The following MREG variants were observed in gnomAD, a reference collection of about 807,000 sequenced individuals.
The protein encoded by MREG is dilute suppressor protein homolog.
MREG carries 31 observed loss-of-function variants against 28.5 expected under a neutral mutation model. The observed-to-expected ratio is 1.09, with a 90% CI of 0.82 to 1.47. The LOEUF is 1.47. MREG is among the 40% of genes most tolerant of loss of function. The pLI, the probability that MREG is intolerant of heterozygous loss-of-function variation, is 0.00. For synonymous variants in MREG, 106 were observed against 95.2 expected (o/e 1.11, Z -0.66); for missense variants, 256 against 257.4 (o/e 0.99, Z 0.04).
At chr2:216,010,356 T>A (rs866708633) in intron 1 of MREG, among the ~76,000 whole-genome samples, 1 of 122,706 alleles carries the variant, frequency 8.1e-6, no homozygotes, top group African/African-American at 3.4e-5. Flanking sequence ...AGATTTCTCT[T>A]TTTTTTTTTT....
intron 1 of MREG, among the ~76,000 whole-genome samples, chr2:216,028,150 G>T (rs942497180): frequency 6.6e-6 from 1 of 152,138 alleles, no homozygotes; most frequent in African/African-American, 2.4e-5. Context: ...GCTTTAAGTG[G>T]AAATAAATGA....
intron 1 of MREG, among the ~76,000 whole-genome samples, chr2:216,018,988 T>C (rs1054584881): frequency 6.6e-6 from 1 of 152,202 alleles, no homozygotes; most frequent in African/African-American, 2.4e-5. Context: ...AGACTCAAAG[T>C]TGGAAAACAG....
intron 2 of MREG, among the ~76,000 whole-genome samples, chr2:215,966,606 T>TC (rs1270481295): frequency 6.7e-6 from 1 of 150,368 alleles, no homozygotes; most frequent in Admixed American, 6.6e-5. Context: ...TTTCCCTTTT[T>TC]TTTTTTTTTT....
At chr2:216,013,641 T>A (rs1694378521), upstream of MREG, 1 of 150,606 alleles carries the variant, frequency 6.6e-6, no homozygotes, top group Non-Finnish European at 1.5e-5. Context: ...CCTCTAAGGG[T>A]GAAGCAGGGA....
chr2:216,000,264 A>T (rs767261241), intron 1 of MREG, among the ~76,000 whole-genome samples: 2 of 151,982 alleles, frequency 1.3e-5, no homozygotes, highest in Non-Finnish European at 2.9e-5. Flanking sequence ...AGTCCCCCCA[A>T]CATGAGTTCC....
Position 216,013,285 on chromosome 2 carries a change from C to G in MREG, c.43G>C (p.Gly15Arg), listed in dbSNP as rs1864253. 0.65 allele frequency: 1,002,677 copies of G among 1,548,498 alleles called. 325,964 individuals are homozygous for G. The highest frequency in any genetic ancestry group is 0.75 in the Admixed American group (38,126 of 50,906). ...DWLRTVCCCC[G>R]CECLEERALP... ...GCGCGCTCCTCCAAGCACTCGCACCCGCAGCAGCAGCACACGGTTCTCAGC... is the reference window on the plus strand; with the variant it reads ...GCGCGCTCCTCCAAGCACTCGCACCGGCAGCAGCAGCACACGGTTCTCAGC... The change falls in exon 1 of 5, where the codon GGG (glycine) becomes CGG (arginine). Residue 15 changes from glycine (G) to arginine (R), a missense_variant. Physicochemically the swap from Gly to Arg is moderately radical, Grantham distance 125. Transcript: ENST00000263268.
chr2:215,959,276 C>A (rs1052277887), intron 2 of MREG, among the ~76,000 whole-genome samples: 1 of 152,166 alleles, frequency 6.6e-6, no homozygotes, highest in African/African-American at 2.4e-5. Flanking sequence ...TCAGTTTCCA[C>A]CTTTCTGCTG....
At chr2:216,010,354 C>CTTTTTTTTT (rs1164326774) in intron 1 of MREG, among the ~76,000 whole-genome samples, 974 of 94,336 alleles carry the variant, frequency 0.01, 75 homozygotes, top group South Asian at 0.019. Context: ...AAAGATTTCT[C>CTTTTTTTTT]TTTTTTTTTT....
At chr2:215,991,357 C>A (rs1693715168) in intron 2 of MREG, among the ~76,000 whole-genome samples, 1 of 152,150 alleles carries the variant, frequency 6.6e-6, no homozygotes, top group South Asian at 2.1e-4. Flanking sequence ...AACAAAGACA[C>A]AATGTACCAG....
chr2:215,979,320 G>A (rs990118685), intron 2 of MREG, among the ~76,000 whole-genome samples: 6 of 151,712 alleles, frequency 4.0e-5, no homozygotes, highest in East Asian at 2.0e-4. Context: ...AAAATTAGCC[G>A]GGCATGGTGG....
At chr2:215,998,486 C>T (rs2106019593) in intron 1 of MREG, among the ~76,000 whole-genome samples, 1 of 152,206 alleles carries the variant, frequency 6.6e-6, no homozygotes, top group Non-Finnish European at 1.5e-5. Flanking sequence ...CTCCTGAAAT[C>T]CTTGTGGCTG....
At chr2:215,951,600 A>G (rs1358145125) in intron 2 of MREG, among the ~76,000 whole-genome samples, 1 of 152,234 alleles carries the variant, frequency 6.6e-6, no homozygotes, top group Non-Finnish European at 1.5e-5. Context: ...AAAAGAAAAC[A>G]TACTGAGCTA....
chr2:215,996,542 A>G, intron 1 of MREG, 77 bp from the exon 2 acceptor site: 1 of 1,033,060 alleles, frequency 9.7e-7, no homozygotes, highest in Non-Finnish European at 1.4e-6. Context: ...TGCAACATAC[A>G]ATATCAATTA....
intron 2 of MREG, among the ~76,000 whole-genome samples, chr2:215,950,376 C>G (rs755430129): frequency 6.6e-6 from 1 of 152,136 alleles, no homozygotes; most frequent in Non-Finnish European, 1.5e-5. Context: ...GAATGTTATA[C>G]GAATTCATTC....
intron 2 of MREG, among the ~76,000 whole-genome samples, chr2:215,975,007 A>ATT (rs961326021): frequency 8.3e-4 from 8 of 9,696 alleles, no homozygotes; most frequent in African/African-American, 3.4e-3. Context: ...TTTTATATGA[A>ATT]TTATATATAT....
chr2:215,951,780 T>TG (rs1692494025), intron 2 of MREG, among the ~76,000 whole-genome samples: 2 of 152,222 alleles, frequency 1.3e-5, no homozygotes, highest in African/African-American at 4.8e-5. Flanking sequence ...CTCAATGTCC[T>TG]GCCACCATCA....
intron 1 of MREG, among the ~76,000 whole-genome samples, chr2:215,997,888 C>T (rs1350148552): frequency 2.6e-5 from 4 of 152,134 alleles, no homozygotes; most frequent in Non-Finnish European, 5.9e-5. Flanking sequence ...GGAAATTTTG[C>T]AACAGGAAGC....
At chr2:215,991,729 C>A (rs1192858463) in intron 2 of MREG, among the ~76,000 whole-genome samples, 12 of 152,168 alleles carry the variant, frequency 7.9e-5, no homozygotes, top group African/African-American at 2.9e-4. Context: ...ACCGATCCCA[C>A]AGAAATACAA....
At chr2:215,989,428 G>A (rs568812519) in intron 2 of MREG, among the ~76,000 whole-genome samples, 40 of 152,272 alleles carry the variant, frequency 2.6e-4, no homozygotes, top group African/African-American at 9.1e-4. Flanking sequence ...ATAAATCCCC[G>A]AAGATGAGGA....
Sources: allele counts gnomAD v4.1 joint callset (sites outside exome capture counted in the v4.1 genomes callset), GRCh38; gene constraint gnomAD v4.1.1; transcripts MANE v1.5; gene names NCBI Gene and HGNC (gene_info 2026-07-23, HGNC 2026-07-21).